ATP6V0A4: variants seen among roughly 807,000 people sequenced by gnomAD.
ATP6V0A4 encodes the protein V-type proton ATPase 116 kDa subunit a 4.
ATP6V0A4 carries 86 observed loss-of-function variants against 107.3 expected under a neutral mutation model. The ratio of observed to expected loss-of-function variants is 0.80; its 90% CI spans 0.67 to 0.96. The LOEUF (loss-of-function observed/expected upper bound fraction) is 0.96, where lower values mean the gene tolerates loss of function less well. ATP6V0A4 is among the 40% of genes least tolerant of loss of function. The pLI is 0.00. For synonymous variants in ATP6V0A4, 353 were observed against 381.4 expected (o/e 0.93, Z 0.87); for missense variants, 908 against 1,045.6 (o/e 0.87, Z 1.81).
chr7:138,706,537 T>C lies in ATP6V0A4; in HGVS notation c.*87A>G. On this transcript the variant is annotated 3_prime_UTR_variant, in exon 22 of 22. Coordinates refer to ENST00000310018, the MANE Select transcript of ATP6V0A4 (RefSeq NM_020632.3). ...GGTGAGCCAAGAACAACCTTCCCAT[T>C]GAGCGCCTTGCAGGGGCTGATATCA... The C allele has an allele frequency of 2.0e-6, 3 of 1,495,570 alleles. No homozygotes were observed. The highest frequency in any genetic ancestry group is 2.8e-6 in the Non-Finnish European group (3 of 1,083,246). The allele number at this position is 1,495,570 out of a possible 1,614,324, so 92.6% of individuals were successfully genotyped here. A position where few individuals can be genotyped will look rare whatever the true frequency, so the allele number is the denominator to read the frequency against.
intron 3 of ATP6V0A4, among the ~76,000 whole-genome samples, chr7:138,770,486 G>A (rs981014583): frequency 2.6e-5 from 4 of 152,168 alleles, no homozygotes; most frequent in South Asian, 2.1e-4. Flanking sequence ...TGCCTCATAC[G>A]AGGTCCTGTG....
intron 8 of ATP6V0A4, 57 bp downstream of exon 8, chr7:138,759,695 T>C: frequency 6.3e-7 from 1 of 1,589,430 alleles, no homozygotes; most frequent in Non-Finnish European, 8.6e-7. Context: ...AACGAAGCGC[T>C]TCTGCTGAGG....
intron 14 of ATP6V0A4, among the ~76,000 whole-genome samples, chr7:138,743,483 G>GA (rs1310259231): frequency 1.3e-5 from 2 of 150,194 alleles, no homozygotes; most frequent in Admixed American, 6.7e-5. Flanking sequence ...AAAAGAAAAA[G>GA]AAAAAAAATA....
intron 2 of ATP6V0A4, among the ~76,000 whole-genome samples, chr7:138,781,994 A>C (rs1324947053): frequency 1.3e-5 from 2 of 152,104 alleles, no homozygotes; most frequent in Non-Finnish European, 2.9e-5. Context: ...AATTCTTAAC[A>C]GTGTAAAGAG....
Position 138,777,615 on chromosome 7 carries a change from C to CAAAA in ATP6V0A4, c.-17-6355_-17-6352dup, listed in dbSNP as rs67200252. 5.4e-5 allele frequency among the ~76,000 whole-genome samples: 6 copies of CAAAA among 112,022 alleles called. No individual in the cohort carries two copies. In the East Asian group the frequency reaches 1.3e-3, roughly 23 times the overall value. The allele number at this position is 112,022 out of a possible 152,430, so 73.5% of individuals were successfully genotyped here. On this transcript the variant is annotated intron_variant, in intron 2 of 21. Coordinates refer to ENST00000310018, the MANE Select transcript of ATP6V0A4 (RefSeq NM_020632.3). Reference sequence around the variant, plus strand: ...GGGCAAAGAGAGGGAAACTCCGTCTCAAAAAAAAAAAAAAAAATACACACA... The same window carrying CAAAA: ...GGGCAAAGAGAGGGAAACTCCGTCTCAAAAAAAAAAAAAAAAAAAAATACACACA...
At chr7:138,782,509 G>A (rs912532281) in intron 2 of ATP6V0A4, among the ~76,000 whole-genome samples, 1 of 152,206 alleles carries the variant, frequency 6.6e-6, no homozygotes, top group African/African-American at 2.4e-5. Flanking sequence ...CATAATGAGG[G>A]AGAGGCAGTG....
At chr7:138,784,255 T>TATATATAC (rs1808064230) in intron 2 of ATP6V0A4, among the ~76,000 whole-genome samples, 3 of 28,872 alleles carry the variant, frequency 1.0e-4, no homozygotes, top group African/African-American at 4.4e-4. Context: ...TATATATACA[T>TATATATAC]ATATATATAT....
chr7:138,797,254 G>A (rs1017582045), intron 1 of ATP6V0A4, among the ~76,000 whole-genome samples: 10 of 134,618 alleles, frequency 7.4e-5, no homozygotes, highest in South Asian at 2.3e-4. Flanking sequence ...TCCCTCTGTC[G>A]GCCAAGCTGG....
chr7:138,715,970 C>T (rs1804014863), intron 19 of ATP6V0A4, 89 bp from the exon 20 acceptor site: 1 of 1,546,408 alleles, frequency 6.5e-7, no homozygotes. Context: ...AAGACATGGG[C>T]TTTGCTGTTC....
intron 2 of ATP6V0A4, among the ~76,000 whole-genome samples, chr7:138,774,311 G>A (rs540450684): frequency 6.6e-6 from 1 of 151,486 alleles, no homozygotes; most frequent in African/African-American, 2.5e-5. Context: ...GGGCGCCGTG[G>A]CTCACGCCGG....
rs1389619793 is a variant in ATP6V0A4, at chr7:138,706,624, C to T, written c.2523G>A (p.Ter841=). ...KHILDGTAEE[*] is the part of the protein sequence containing the mutation. ...CACCGTGGGAGGTGCAGCCCTCAGC[C>T]TACTCCTCGGCTGTGCCATCCAGGA... is the stretch of plus-strand genomic sequence containing the variant. The change falls in exon 22 of 22, where the codon TAG becomes TAA. Residue 841 remains the stop codon, a stop_retained_variant. Transcript: ENST00000310018. The T allele has an allele frequency of 3.7e-6, 6 of 1,613,938 alleles. No individual in the cohort carries two copies. The highest frequency in any genetic ancestry group is 1.3e-5 in the African/African-American group (1 of 75,032).
chr7:138,724,462 C>G (rs1220219467), intron 18 of ATP6V0A4, among the ~76,000 whole-genome samples: 1 of 152,174 alleles, frequency 6.6e-6, no homozygotes, highest in Non-Finnish European at 1.5e-5. Flanking sequence ...CACCCAGGGA[C>G]TCGTGGTGTC....
At position 138,772,276 on chromosome 7, in the gene ATP6V0A4, A is replaced by C. The variant is rs552604152; in HGVS notation, c.-17-1012T>G. Among the ~76,000 whole-genome samples, 282 of 152,298 alleles carry C rather than the reference A, an allele frequency of 1.9e-3. 1 individual carries two copies. Among genetic ancestry groups the C allele is most frequent in the African/African-American group, 6.5e-3 (268 of 41,532 alleles). ...TAGACCTGGATATGTATGGAGAAAC[A>C]GATGAACAAGAATGTTTCTTATAAT... On this transcript the variant is annotated intron_variant, in intron 2 of 21. Coordinates refer to ENST00000310018, the MANE Select transcript of ATP6V0A4 (RefSeq NM_020632.3).
chr7:138,773,882 G>T lies in ATP6V0A4; in HGVS notation c.-17-2618C>A, dbSNP rs570921266. On this transcript the variant is annotated intron_variant, in intron 2 of 21. Transcript: ENST00000310018. The surrounding 1 kb of genome is among the most constrained non-coding windows in gnomAD (Gnocchi z 5.4). ...CAGACGGTGGTTTCCCCAACCTGAC[G>T]CACGGAGCAGGGAGCCCCAGGTCTG... 34 of 152,390 alleles carry T rather than the reference G, an allele frequency of 2.2e-4. No individual in the cohort carries two copies. Among genetic ancestry groups the T allele is most frequent in the African/African-American group, 7.7e-4 (32 of 41,564 alleles). The allele number at this position is 152,390 out of a possible 1,614,324, so 9.4% of individuals were successfully genotyped here. A position where few individuals can be genotyped will look rare whatever the true frequency, so the allele number is the denominator to read the frequency against.
chr7:138,777,664 A>ACG (rs1491247007), intron 2 of ATP6V0A4, among the ~76,000 whole-genome samples: 1 of 148,642 alleles, frequency 6.7e-6, no homozygotes, highest in Non-Finnish European at 1.5e-5. Flanking sequence ...ACACACACAC[A>ACG]TATATATTAC....
chr7:138,763,176 GACACACACAGACACACACACACAC>G, intron 5 of ATP6V0A4, 151 bp from the exon 6 acceptor site: 1 of 815,292 alleles, frequency 1.2e-6, no homozygotes, highest in South Asian at 1.7e-5. Context: ...GACACACACA[GACACACACAGACACACACACACAC>G]ACACACACAC....
chr7:138,773,946 G>C lies in ATP6V0A4; in HGVS notation c.-17-2682C>G, dbSNP rs1410946762. ...CTTGCTAGCAGTCCTGGGCGGAGCA[G>C]CAGCCAGTGAATCCGCAGGTGGCTT... On this transcript the variant is annotated intron_variant, in intron 2 of 21. Transcript: ENST00000310018. The surrounding 1 kb of genome is among the most constrained non-coding windows in gnomAD (Gnocchi z 5.4). 1.3e-5 allele frequency: 2 copies of C among 152,418 alleles called. No homozygotes were observed. The highest frequency in any genetic ancestry group is 4.1e-4 in the South Asian group (2 of 4,832). The allele number at this position is 152,418 out of a possible 1,614,324, so 9.4% of individuals were successfully genotyped here.
At chr7:138,770,129 T>C (rs567558676) in intron 3 of ATP6V0A4, among the ~76,000 whole-genome samples, 1 of 152,114 alleles carries the variant, frequency 6.6e-6, no homozygotes, top group Non-Finnish European at 1.5e-5. Context: ...ACAGTGTCCT[T>C]TCACTTTCTT....
chr7:138,711,245 G>A (rs1017728819), intron 20 of ATP6V0A4, among the ~76,000 whole-genome samples: 1 of 152,158 alleles, frequency 6.6e-6, no homozygotes, highest in African/African-American at 2.4e-5. Context: ...GAGGAGGGAG[G>A]TCATGGATGG....
Sources: gnomAD v4.1 joint callset for allele counts (sites outside exome capture counted in the v4.1 genomes callset) on GRCh38, gnomAD v4.1.1 for gene constraint, Gnocchi (gnomAD v3.1) non-coding constraint, MANE v1.5 for transcripts, NCBI Gene and HGNC (gene_info 2026-07-23, HGNC 2026-07-21) for gene names.